Variants in ATM observed in about 807,000 individuals in gnomAD.
ATM encodes the protein serine-protein kinase ATM.
Under a neutral mutation model 387.0 loss-of-function variants are expected in ATM, and 308 were observed. That is an observed-to-expected ratio of 0.80 (90% CI 0.73 to 0.87). The LOEUF (loss-of-function observed/expected upper bound fraction) is 0.87, where lower values mean the gene tolerates loss of function less well. Ranked by LOEUF, ATM falls within the 40% of genes least tolerant of loss-of-function variation. The pLI is 0.00. For synonymous variants in ATM, 1,156 were observed against 1,187.3 expected (o/e 0.97, Z 0.54); for missense variants, 3,312 against 3,560.9 (o/e 0.93, Z 1.78).
intron 59 of ATM, among the ~76,000 whole-genome samples, chr11:108,352,668 C>T (rs1444309961): frequency 6.6e-6 from 1 of 152,188 alleles, no homozygotes; most frequent in Non-Finnish European, 1.5e-5. Flanking sequence ...AGATGTTCTA[C>T]AGTGGGCAAA....
Position 108,236,155 on chromosome 11 carries a change from CAT to C in ATM, c.496+324_496+325del, listed in dbSNP as rs1163910169. 11 of 365,466 alleles carry C rather than the reference CAT, an allele frequency of 3.0e-5. No homozygotes were observed. The East Asian group carries it at 7.0e-4, about 23-fold the overall frequency. The allele number at this position is 365,466 out of a possible 1,614,324, so 22.6% of individuals were successfully genotyped here. A position where few individuals can be genotyped will look rare whatever the true frequency, so the allele number is the denominator to read the frequency against. ...AGTTCATAATGTGCTGTGATACAGACATATTTGGGTTCAGTAGGTATACAAAA... is the reference window on the plus strand; with the variant it reads ...AGTTCATAATGTGCTGTGATACAGACATTTGGGTTCAGTAGGTATACAAAA... On this transcript the variant is annotated intron_variant, in intron 5 of 62. Transcript: ENST00000675843.
intron 61 of ATM, among the ~76,000 whole-genome samples, chr11:108,360,273 G>GT (rs201068670): frequency 0.52 from 78,018 of 149,810 alleles, 20,855 homozygotes; most frequent in Middle Eastern, 0.73. Context: ...GAATAGACCA[G>GT]TAACAGGAGC....
At chr11:108,262,835 T>C (rs2080984835) in intron 16 of ATM, among the ~76,000 whole-genome samples, 2 of 145,634 alleles carry the variant, frequency 1.4e-5, no homozygotes, top group African/African-American at 2.5e-5. Flanking sequence ...GTTGCAATCC[T>C]AGTCTCTGAT....
At chr11:108,304,535 G>A (rs1267097527) in intron 36 of ATM, 140 bp from the exon 37 acceptor site, 1 of 869,808 alleles carries the variant, frequency 1.1e-6, no homozygotes, top group Non-Finnish European at 1.8e-6. Flanking sequence ...TTTTTTAGCA[G>A]TATGTTGAGT....
At position 108,325,249 on chromosome 11, in the gene ATM, GTT is replaced by G. The variant is rs11366542; in HGVS notation, c.6573-43_6573-42del. 0.1 allele frequency: 55,851 copies of G among 556,056 alleles called. 65 individuals are homozygous for G. The highest frequency in any genetic ancestry group is 0.14 in the Middle Eastern group (288 of 2,104). The allele number at this position is 556,056 out of a possible 1,614,324, so 34.4% of individuals were successfully genotyped here. On this transcript the variant is annotated intron_variant, in intron 45 of 62. Coordinates refer to ENST00000675843, the MANE Select transcript of ATM (RefSeq NM_000051.4). The stretch of plus-strand genomic sequence containing the variant: ...TATCGTAAGTTCCAGAACTTACATA[GTT>G]TTTTTTTTTTTTTTTTTCATTTCTC...
intron 61 of ATM, among the ~76,000 whole-genome samples, chr11:108,363,736 G>C (rs2091048298): frequency 6.6e-6 from 1 of 152,106 alleles, no homozygotes; most frequent in Admixed American, 6.5e-5. Context: ...CTTCTGTCTT[G>C]TCAGACTGAA....
chr11:108,308,112 T>A, intron 38 of ATM, 128 bp downstream of exon 38: 1 of 896,206 alleles, frequency 1.1e-6, no homozygotes, highest in Non-Finnish European at 1.8e-6. Context: ...TGTGTGATAT[T>A]TATATCTCCT....
intron 59 of ATM, among the ~76,000 whole-genome samples, chr11:108,348,566 AAAG>A (rs1484832783): frequency 5.3e-5 from 8 of 151,984 alleles, no homozygotes; most frequent in Non-Finnish European, 1.0e-4. Flanking sequence ...AATATATAAG[AAAG>A]AAGTGTGAAT....
chr11:108,317,725 T>TA (rs974302551), intron 43 of ATM, among the ~76,000 whole-genome samples: 2 of 147,242 alleles, frequency 1.4e-5, no homozygotes, highest in African/African-American at 5.0e-5. Flanking sequence ...TATATATATA[T>TA]AAAAAAATAT....
intron 38 of ATM, chr11:108,308,439 A>G (rs1461662989): frequency 4.9e-6 from 1 of 203,058 alleles, no homozygotes; most frequent in Non-Finnish European, 1.0e-5. Flanking sequence ...ATCTGTGGCA[A>G]TACTGTGCTG....
In ATM at chr11:108,367,835, T is replaced by C. The variant is rs2091414328; in HGVS notation, c.*2327T>C. 1 of 208,590 alleles carries C rather than the reference T, an allele frequency of 4.8e-6. No homozygotes were observed. The allele number at this position is 208,590 out of a possible 1,614,324, so 12.9% of individuals were successfully genotyped here. On this transcript the variant is annotated 3_prime_UTR_variant, in exon 63 of 63. Transcript: ENST00000675843. The stretch of plus-strand genomic sequence containing the variant: ...CAAATTACAAACTTACCTTGGTGTA[T>C]CTTTTTCTTACAAGCTGCCTAAATG...
At chr11:108,359,289 C>A (rs1339035611) in intron 61 of ATM, among the ~76,000 whole-genome samples, 2 of 151,710 alleles carry the variant, frequency 1.3e-5, no homozygotes, top group Admixed American at 6.6e-5. Context: ...CACCCAGATT[C>A]ATAAAGCAAG....
intron 61 of ATM, among the ~76,000 whole-genome samples, chr11:108,360,563 A>C (rs1368733895): frequency 1.3e-4 from 18 of 141,222 alleles, no homozygotes; most frequent in African/African-American, 3.5e-4. Context: ...TACTGGCAAA[A>C]CGAATCCAGC....
Position 108,253,849 on chromosome 11 carries a change from T to A in ATM, c.1934T>A (p.Phe645Tyr). The change falls in exon 13 of 63, where the codon TTC (phenylalanine) becomes TAC (tyrosine). Residue 645 changes from phenylalanine to tyrosine, a missense_variant. By Grantham distance (22) the Phe-to-Tyr change is conservative (BLOSUM62 3). Transcript: ENST00000675843. ...HHQKDKEELS[F>Y]SEVEELFLQT... is the part of the protein sequence containing the mutation. ...CAAAAAGATAAAGAAGAACTTTCAT[T>A]CTCAGAAGTAGAAGAACTATTTCTT... is the stretch of plus-strand genomic sequence containing the variant. The A allele has an allele frequency of 6.2e-7, 1 of 1,613,904 alleles. No individual in the cohort carries two copies. The highest frequency in any genetic ancestry group is 2.2e-5 in the East Asian group (1 of 44,848).
chr11:108,367,989 A>G lies in ATM; in HGVS notation c.*2481A>G, dbSNP rs1358381690. ...TAGAAATTATCAACTAGATAATAGT[A>G]TAGATAAATGAATTTGTAGCTAATT... On this transcript the variant is annotated 3_prime_UTR_variant, in exon 63 of 63. Coordinates refer to ENST00000675843, the MANE Select transcript of ATM (RefSeq NM_000051.4). The G allele has an allele frequency of 4.9e-6, 1 of 205,704 alleles. No individual in the cohort carries two copies. The highest frequency in any genetic ancestry group is 7.4e-5 in the East Asian group (1 of 13,442). The allele number at this position is 205,704 out of a possible 1,614,324, so 12.7% of individuals were successfully genotyped here.
intron 38 of ATM, among the ~76,000 whole-genome samples, chr11:108,308,333 T>G (rs1404989638): frequency 1.3e-5 from 2 of 152,234 alleles, no homozygotes; most frequent in East Asian, 1.9e-4. Flanking sequence ...TTCTCTTTGC[T>G]TTAGTTCTAA....
At chr11:108,313,256 G>C (rs4988074) in intron 40 of ATM, among the ~76,000 whole-genome samples, 3,947 of 152,118 alleles carry the variant, frequency 0.026, 181 homozygotes, top group African/African-American at 0.09. Context: ...ACTATGTTCT[G>C]AACATTTTAA....
Position 108,335,975 on chromosome 11 carries a change from CT to C in ATM, c.8268+16del. 6.3e-7 allele frequency: 1 copy of C among 1,577,618 alleles called. No homozygotes were observed. The highest frequency in any genetic ancestry group is 8.7e-7 in the Non-Finnish European group (1 of 1,147,198). On this transcript the variant is annotated intron_variant, in intron 56 of 62. Transcript: ENST00000675843. ...TGTACTTATAAGGTAACTATTTGTA[CT>C]TCTGTTAGTTCACCAAAAACATATA...
chr11:108,289,632 T>C lies in ATM; in HGVS notation c.4267T>C (p.Cys1423Arg), dbSNP rs587782442. 34 of 1,610,192 alleles carry C rather than the reference T, an allele frequency of 2.1e-5. No individual in the cohort carries two copies. The Admixed American group carries it at 5.4e-4, about 25-fold the overall frequency. ...DSYQKILLAICEQAAETNNVY... is the reference protein window; with the variant it reads ...DSYQKILLAIREQAAETNNVY... The stretch of plus-strand genomic sequence containing the variant: ...CTATCAGAAAATTCTTCTTGCCATA[T>C]GTGAGCAAGCAGCTGAAACAAATAA... The change falls in exon 29 of 63, where the codon TGT (cysteine) becomes CGT (arginine). Residue 1423 changes from cysteine (C) to arginine (R), a missense_variant. Cys to Arg is a radical substitution (Grantham distance 180). This residue lies in a region of ATM where 1,791 missense variants were observed against 1,804.5 expected (regional missense o/e 0.99). Coordinates refer to ENST00000675843, the MANE Select transcript of ATM (RefSeq NM_000051.4).
Sources: allele counts gnomAD v4.1 joint callset (sites outside exome capture counted in the v4.1 genomes callset), GRCh38; gene constraint gnomAD v4.1.1; regional missense constraint gnomAD v4.1.1; transcripts MANE v1.5; gene names NCBI Gene and HGNC (gene_info 2026-07-23, HGNC 2026-07-21).